Variants in CALU observed in about 807,000 individuals in gnomAD.
CALU encodes the protein calumenin.
CALU carries 13 observed loss-of-function variants against 37.5 expected under a neutral mutation model. That is an observed-to-expected ratio of 0.35 (90% CI 0.23 to 0.55). The LOEUF is 0.55. Among genes scored for constraint, CALU ranks in the 20% least tolerant of loss-of-function variants. The probability of loss-of-function intolerance (pLI) is 0.89; values close to 1 mark genes in which losing one functional copy is unlikely to be tolerated. For missense variants in CALU, 282 were observed against 391.7 expected (o/e 0.72, Z 2.36); for synonymous variants, 114 against 133.8 (o/e 0.85, Z 1.02).
chr7:128,760,213 A>G (rs1270378803), intron 5 of CALU, among the ~76,000 whole-genome samples: 2 of 152,150 alleles, frequency 1.3e-5, no homozygotes, highest in Non-Finnish European at 2.9e-5. Flanking sequence ...AGAAAGAAAG[A>G]AAGATGTATT....
chr7:128,742,423 T>C (rs1014555940), intron 1 of CALU, among the ~76,000 whole-genome samples: 3 of 152,260 alleles, frequency 2.0e-5, no homozygotes, highest in Admixed American at 6.5e-5. Context: ...TTCTCCCAAT[T>C]GTTAACATTG....
At chr7:128,739,879 A>C (rs1477093219) in intron 1 of CALU, among the ~76,000 whole-genome samples, 2 of 152,164 alleles carry the variant, frequency 1.3e-5, no homozygotes, top group African/African-American at 4.8e-5. Context: ...CCCCAAGGCC[A>C]CATCCCGACA....
Position 128,770,607 on chromosome 7 carries a change from G to T in CALU, c.*1440G>T, listed in dbSNP as rs1801522299. 2 of 149,990 alleles carry T rather than the reference G, an allele frequency of 1.3e-5. No homozygotes were observed. Among genetic ancestry groups the T allele is most frequent in the African/African-American group, 4.9e-5 (2 of 40,692 alleles). 9.3% of individuals were successfully genotyped at this position (149,990 alleles called of 1,614,324 possible). A position where few individuals can be genotyped will look rare whatever the true frequency, so the allele number is the denominator to read the frequency against. On this transcript the variant is annotated 3_prime_UTR_variant, in exon 7 of 7. Coordinates refer to ENST00000249364, the MANE Select transcript of CALU (RefSeq NM_001219.5). ...AAAAAAAAAAGGAAACGTTTATCAT[G>T]AATCAACAGGGTTTCAGTCCTTATC...
chr7:128,750,084 C>T (rs939575861), intron 2 of CALU, among the ~76,000 whole-genome samples: 5 of 151,976 alleles, frequency 3.3e-5, no homozygotes, highest in South Asian at 2.1e-4. Flanking sequence ...AAAAATTAGC[C>T]GGGCGTGGTG....
chr7:128,764,787 CT>C (rs901355666), intron 5 of CALU, among the ~76,000 whole-genome samples: 3 of 150,552 alleles, frequency 2.0e-5, no homozygotes, highest in Admixed American at 6.6e-5. Context: ...CTTAATTGCC[CT>C]TTTTTTTGTT....
rs1284587616 is a variant in CALU at position 128,767,655 on chromosome 7, G to A, written c.843G>A (p.Lys281=). ...TGGTCTATGAATCAGACCAAAACAA[G>A]GTAAGTCTGGCGAGGCCCACACGCT... The part of the protein sequence containing the change: ...RHLVYESDQN[K]DGKLTKEEIV... Residue 281 remains lysine, a splice_region_variant and synonymous_variant, in exon 6 of 7, where the codon AAG becomes AAA. Transcript: ENST00000249364. The A allele has an allele frequency of 1.2e-6, 2 of 1,613,494 alleles. No homozygotes were observed. Among genetic ancestry groups the A allele is most frequent in the Non-Finnish European group, 1.7e-6 (2 of 1,179,508 alleles).
Position 128,768,847 on chromosome 7 carries a change from CAAAAAA to C in CALU, c.844-200_844-195del, listed in dbSNP as rs1012831963. On this transcript the variant is annotated intron_variant, in intron 6 of 6. Coordinates refer to ENST00000249364, the MANE Select transcript of CALU (RefSeq NM_001219.5). ...GGGCAACAAGAGCGAAACTCCGTCT[CAAAAAA>C]AAAAAAAAAAAAAAACAAGGAATGT... 1.4e-3 allele frequency among the ~76,000 whole-genome samples: 80 copies of C among 55,194 alleles called. 4 individuals carry two copies. The highest frequency in any genetic ancestry group is 6.1e-3 in the African/African-American group (71 of 11,572). The allele number at this position is 55,194 out of a possible 152,430, so 36.2% of individuals were successfully genotyped here. A position where few individuals can be genotyped will look rare whatever the true frequency, so the allele number is the denominator to read the frequency against.
At chr7:128,768,029 C>G (rs1801401381) in intron 6 of CALU, among the ~76,000 whole-genome samples, 1 of 152,016 alleles carries the variant, frequency 6.6e-6, no homozygotes, top group Non-Finnish European at 1.5e-5. Flanking sequence ...CTGGTTGTTT[C>G]CTTCTTAAAT....
At chr7:128,767,683 A>G (rs751988039) in intron 6 of CALU, 28 bp downstream of exon 6, 2 of 1,575,206 alleles carry the variant, frequency 1.3e-6, no homozygotes, top group Non-Finnish European at 1.7e-6. Flanking sequence ...CACACGCTCT[A>G]TCCTTGATTG....
chr7:128,748,031 T>G (rs1260863873), intron 1 of CALU: 4 of 214,492 alleles, frequency 1.9e-5, no homozygotes, highest in Non-Finnish European at 3.7e-5. Flanking sequence ...GCCAAGTATT[T>G]CGCTGGTTCC....
intron 3 of CALU, 118 bp from the exon 4 acceptor site, chr7:128,758,753 T>A (rs2128881140): frequency 1.4e-6 from 1 of 717,890 alleles, no homozygotes; most frequent in East Asian, 2.5e-5. Flanking sequence ...TTTACCTGTG[T>A]CATCAATTAT....
At chr7:128,765,429 T>G (rs2128882838) in intron 5 of CALU, among the ~76,000 whole-genome samples, 1 of 152,330 alleles carries the variant, frequency 6.6e-6, no homozygotes, top group Non-Finnish European at 1.5e-5. Context: ...TTGTCCAGGC[T>G]GATCTCAAAC....
At chr7:128,768,382 G>A (rs994871975) in intron 6 of CALU, among the ~76,000 whole-genome samples, 1 of 152,148 alleles carries the variant, frequency 6.6e-6, no homozygotes, top group Non-Finnish European at 1.5e-5. Context: ...GTCCTGAGAT[G>A]TATGAGAAAA....
intron 5 of CALU, among the ~76,000 whole-genome samples, chr7:128,764,362 G>T (rs1450945839): frequency 1.3e-5 from 2 of 152,136 alleles, no homozygotes. Context: ...AGGGTTTGAG[G>T]TTGCAGTGCA....
intron 5 of CALU, among the ~76,000 whole-genome samples, chr7:128,760,876 C>G (rs990196635): frequency 1.3e-5 from 2 of 152,142 alleles, no homozygotes; most frequent in Non-Finnish European, 2.9e-5. Context: ...CCACTGCACT[C>G]CAGCCGGGGC....
In CALU at chr7:128,769,914, G is replaced by A. The variant is rs1801494523; in HGVS notation, c.*747G>A. 1 of 152,230 alleles carries A rather than the reference G, an allele frequency of 6.6e-6. No individual in the cohort carries two copies. Among genetic ancestry groups the A allele is most frequent in the Admixed American group, 6.5e-5 (1 of 15,276 alleles). 9.4% of individuals were successfully genotyped at this position (152,230 alleles called of 1,614,324 possible). A position where few individuals can be genotyped will look rare whatever the true frequency, so the allele number is the denominator to read the frequency against. Reference sequence around the variant, plus strand: ...AAGTAGTGAATGTGATCTCTTTGCAGAGCTATAGATAGAAACAGCTGGAAA... The same window carrying A: ...AAGTAGTGAATGTGATCTCTTTGCAAAGCTATAGATAGAAACAGCTGGAAA... On this transcript the variant is annotated 3_prime_UTR_variant, in exon 7 of 7. Coordinates refer to ENST00000249364, the MANE Select transcript of CALU (RefSeq NM_001219.5).
chr7:128,750,799 G>C (rs1800641450), intron 2 of CALU, among the ~76,000 whole-genome samples: 1 of 152,114 alleles, frequency 6.6e-6, no homozygotes, highest in Non-Finnish European at 1.5e-5. Context: ...ATAAGTCATT[G>C]TTCATGCCTT....
intron 2 of CALU, among the ~76,000 whole-genome samples, chr7:128,753,430 A>G (rs576803324): frequency 4.6e-5 from 7 of 152,390 alleles, no homozygotes; most frequent in Admixed American, 6.5e-5. Context: ...TTTTAAATCC[A>G]TAAGATGACA....
chr7:128,765,692 T>C (rs1223765785), intron 5 of CALU, among the ~76,000 whole-genome samples: 1 of 152,216 alleles, frequency 6.6e-6, no homozygotes, highest in Non-Finnish European at 1.5e-5. Flanking sequence ...ATTACAGACG[T>C]TTTATGTTTA....
Sources: gnomAD v4.1 joint callset for allele counts (sites outside exome capture counted in the v4.1 genomes callset) on GRCh38, gnomAD v4.1.1 for gene constraint, MANE v1.5 for transcripts, NCBI Gene and HGNC (gene_info 2026-07-23, HGNC 2026-07-21) for gene names.